The following NPLOC4 variants were observed in gnomAD, a reference collection of about 807,000 sequenced individuals.
NPLOC4 encodes the protein NPL4 homolog, ubiquitin recognition factor.
A neutral mutation model predicts 80.6 loss-of-function variants in NPLOC4; 18 were observed. The observed-to-expected ratio is 0.22, with a 90% CI of 0.15 to 0.33. NPLOC4 has a LOEUF of 0.33. NPLOC4 is among the 10% of genes least tolerant of loss of function. The pLI, the probability that NPLOC4 is intolerant of heterozygous loss-of-function variation, is 1.00. For synonymous variants in NPLOC4, 313 were observed against 301.5 expected (o/e 1.04, Z -0.39); for missense variants, 540 against 786.1 (o/e 0.69, Z 3.74).
chr17:81,632,912 T>C (rs2035967918), intron 1 of NPLOC4, among the ~76,000 whole-genome samples: 2 of 152,078 alleles, frequency 1.3e-5, no homozygotes, highest in Admixed American at 6.6e-5. Context: ...TTCTCAACTT[T>C]TAAGTCAGGA....
chr17:81,607,064 C>T (rs1254495722), intron 6 of NPLOC4, among the ~76,000 whole-genome samples: 4 of 152,174 alleles, frequency 2.6e-5, no homozygotes, highest in African/African-American at 9.7e-5. Flanking sequence ...TCCTACCAAA[C>T]TGTGGTGTTT....
At chr17:81,620,829 C>T (rs1270524784) in intron 3 of NPLOC4, among the ~76,000 whole-genome samples, 2 of 151,968 alleles carry the variant, frequency 1.3e-5, no homozygotes, top group Admixed American at 6.6e-5. Flanking sequence ...ATAATGGTTA[C>T]GTGTTCCAGA....
chr17:81,576,820 G>C (rs574059694), intron 12 of NPLOC4, among the ~76,000 whole-genome samples: 1 of 152,154 alleles, frequency 6.6e-6, no homozygotes, highest in Non-Finnish European at 1.5e-5. Flanking sequence ...CAGAGAGCGG[G>C]GTCCTGGGCC....
intron 13 of NPLOC4, among the ~76,000 whole-genome samples, 167 bp downstream of exon 13, chr17:81,571,850 G>C (rs2034169243): frequency 6.6e-6 from 1 of 152,128 alleles, no homozygotes; most frequent in African/African-American, 2.4e-5. Context: ...CGCATGCTCA[G>C]TGATTCTACA....
rs71367066 is a variant in NPLOC4 at position 81,581,375 on chromosome 17, A to AGCC, written c.1281+7568_1281+7569insGGC. On this transcript the variant is annotated intron_variant, in intron 12 of 16. Transcript: ENST00000331134. ...AAAAAAAAAAAAAAAAAAAAAAAAA[A>AGCC]AGTTAATAAAATCACCATGTCACAA... Among the ~76,000 whole-genome samples, 13 of 72,810 alleles carry AGCC rather than the reference A, an allele frequency of 1.8e-4. 5 individuals carry two copies. The highest frequency in any genetic ancestry group is 2.3e-4 in the Non-Finnish European group (8 of 34,996). 47.8% of individuals were successfully genotyped at this position (72,810 alleles called of 152,430 possible).
intron 11 of NPLOC4, among the ~76,000 whole-genome samples, chr17:81,595,735 G>A (rs2034891985): frequency 6.6e-6 from 1 of 151,604 alleles, no homozygotes; most frequent in South Asian, 2.1e-4. Flanking sequence ...AAAGAGATGG[G>A]GTTTCGCTAT....
At chr17:81,620,421 G>T (rs181622334) in intron 3 of NPLOC4, among the ~76,000 whole-genome samples, 1 of 152,190 alleles carries the variant, frequency 6.6e-6, no homozygotes, top group African/African-American at 2.4e-5. Flanking sequence ...GCTTGAACCC[G>T]GGAGGCAGAG....
At chr17:81,583,150 G>A (rs2034489659) in intron 12 of NPLOC4, among the ~76,000 whole-genome samples, 1 of 152,260 alleles carries the variant, frequency 6.6e-6, no homozygotes, top group African/African-American at 2.4e-5. Context: ...TTTTCAGTGA[G>A]CGACTTGGAA....
rs1383568567 is a variant in NPLOC4, at chr17:81,608,843, C to T, written c.436-21G>A. 6.4e-6 allele frequency: 10 copies of T among 1,551,326 alleles called. No individual in the cohort carries two copies. The African/African-American group carries it at 6.8e-5, about 11-fold the overall frequency. ...AATGGCTGCCAAGACACAGAGTAAG[C>T]GAGTGCAGTCTCACACGTGCCGGTC... On this transcript the variant is annotated intron_variant, in intron 5 of 16. Coordinates refer to ENST00000331134, the MANE Select transcript of NPLOC4 (RefSeq NM_017921.4).
chr17:81,603,143 T>G, intron 8 of NPLOC4, among the ~76,000 whole-genome samples: 1 of 151,962 alleles, frequency 6.6e-6, no homozygotes, highest in East Asian at 1.9e-4. Flanking sequence ...AGTACTGCAC[T>G]CCAGCCTGAG....
At chr17:81,625,716 G>GT (rs979290013) in intron 2 of NPLOC4, among the ~76,000 whole-genome samples, 6 of 151,808 alleles carry the variant, frequency 4.0e-5, no homozygotes, top group Admixed American at 3.3e-4. Flanking sequence ...GAGCGACAGA[G>GT]TGAGAATCCA....
chr17:81,573,899 G>C (rs552838415), intron 12 of NPLOC4, among the ~76,000 whole-genome samples: 3 of 152,190 alleles, frequency 2.0e-5, no homozygotes, highest in African/African-American at 7.2e-5. Context: ...ACTTTCCACC[G>C]ACTTGGGTGA....
rs549994745 is a variant in NPLOC4 at position 81,592,627 on chromosome 17, G to A, written c.1120+3489C>T. On this transcript the variant is annotated intron_variant, in intron 11 of 16. Coordinates refer to ENST00000331134, the MANE Select transcript of NPLOC4 (RefSeq NM_017921.4). The stretch of plus-strand genomic sequence containing the variant: ...TCAAATTCAAGGTGGTAGCCCCCAA[G>A]TTAGAAACTGTAATTCTAAAAATGT... Among the ~76,000 whole-genome samples, 6 of 152,276 alleles carry A rather than the reference G, an allele frequency of 3.9e-5. No individual in the cohort carries two copies. The South Asian group carries it at 1.0e-3, about 26-fold the overall frequency.
rs189997332 is a variant in NPLOC4 at position 81,612,429 on chromosome 17, C to G, written c.386+889G>C. On this transcript the variant is annotated intron_variant, in intron 4 of 16. Coordinates refer to ENST00000331134, the MANE Select transcript of NPLOC4 (RefSeq NM_017921.4). ...CATGCAAGCAAGCCAGTGCCAGGCC[C>G]CTGGGAGGAGACACAAATGGAAGAG... Among the ~76,000 whole-genome samples the G allele has an allele frequency of 1.8e-3, 277 of 152,240 alleles. 1 individual carries two copies. The highest frequency in any genetic ancestry group is 5.4e-3 in the South Asian group (26 of 4,822).
chr17:81,618,744 C>T lies in NPLOC4; in HGVS notation c.209+3422G>A, dbSNP rs2035581320. 4.6e-5 allele frequency among the ~76,000 whole-genome samples: 7 copies of T among 151,264 alleles called. No homozygotes were observed. In the South Asian group the frequency reaches 1.3e-3, roughly 27 times the overall value. ...TGAGAACGGGCCATGATGACAATGGCAGTTTTGTGGAATAGAAAAGGGGGA... is the reference window on the plus strand; with the variant it reads ...TGAGAACGGGCCATGATGACAATGGTAGTTTTGTGGAATAGAAAAGGGGGA... On this transcript the variant is annotated intron_variant, in intron 3 of 16. Transcript: ENST00000331134.
rs368593164 is a variant in NPLOC4, at chr17:81,606,643, C to T, written c.654+48G>A. On this transcript the variant is annotated intron_variant, in intron 7 of 16. Coordinates refer to ENST00000331134, the MANE Select transcript of NPLOC4 (RefSeq NM_017921.4). ...TCCAAGGGGCTCTTCTGGAAATATC[C>T]GTTTCTCAGCCATGAAAACAAATCT... is the stretch of plus-strand genomic sequence containing the variant. 6.9e-5 allele frequency: 110 copies of T among 1,586,664 alleles called. 1 individual carries two copies. Among genetic ancestry groups the T allele is most frequent in the South Asian group, 3.2e-4 (28 of 88,454 alleles).
chr17:81,632,764 C>T (rs983203367), intron 1 of NPLOC4, among the ~76,000 whole-genome samples: 46 of 152,146 alleles, frequency 3.0e-4, no homozygotes, highest in Non-Finnish European at 5.3e-4. Flanking sequence ...GACAAAACAC[C>T]ATAAAGGCTC....
At chr17:81,609,949 C>A (rs964072687) in intron 5 of NPLOC4, among the ~76,000 whole-genome samples, 1 of 152,204 alleles carries the variant, frequency 6.6e-6, no homozygotes, top group East Asian at 1.9e-4. Context: ...CCAGGGAGCC[C>A]GCTGTAAATG....
intron 1 of NPLOC4, among the ~76,000 whole-genome samples, chr17:81,630,548 G>A (rs1568170146): frequency 6.6e-6 from 1 of 152,020 alleles, no homozygotes; most frequent in Non-Finnish European, 1.5e-5. Flanking sequence ...GATTACAGGT[G>A]TGAGCCACAA....
Sources: gnomAD v4.1 joint callset for allele counts (sites outside exome capture counted in the v4.1 genomes callset) on GRCh38, gnomAD v4.1.1 for gene constraint, MANE v1.5 for transcripts, NCBI Gene and HGNC (gene_info 2026-07-23, HGNC 2026-07-21) for gene names.